SIRT5: variants seen among roughly 807,000 people sequenced by gnomAD.
SIRT5 encodes NAD-dependent protein deacylase sirtuin-5, mitochondrial.
A neutral mutation model predicts 40.0 loss-of-function variants in SIRT5; 26 were observed. The ratio of observed to expected loss-of-function variants is 0.65; its 90% CI spans 0.48 to 0.90. The LOEUF (loss-of-function observed/expected upper bound fraction) is 0.90. Among genes scored for constraint, SIRT5 ranks in the 40% least tolerant of loss-of-function variants. The pLI, the probability that SIRT5 is intolerant of heterozygous loss-of-function variation, is 0.00. For missense variants in SIRT5, 401 were observed against 402.4 expected (o/e 1.00, Z 0.03); for synonymous variants, 146 against 149.1 (o/e 0.98, Z 0.15).
intron 9 of SIRT5, 100 bp from the exon 10 acceptor site, chr6:13,611,690 T>C: frequency 2.3e-6 from 2 of 876,624 alleles, no homozygotes; most frequent in Non-Finnish European, 3.8e-6. Context: ...ATTTGGGTTT[T>C]ACTTCGGCTA....
chr6:13,606,948 C>T (rs1202986768), intron 9 of SIRT5, among the ~76,000 whole-genome samples: 1 of 150,748 alleles, frequency 6.6e-6, no homozygotes, highest in Non-Finnish European at 1.5e-5. Context: ...TCCCGAAGTG[C>T]TGGGATTACA....
chr6:13,600,891 A>G lies in SIRT5; in HGVS notation c.799A>G (p.Arg267Gly). The change falls in exon 9 of 10, where the codon AGG becomes GGG. Residue 267 changes from arginine to glycine, a missense_variant. Physicochemically the swap from Arg to Gly is moderately radical, Grantham distance 125. Coordinates refer to ENST00000606117, the MANE Select transcript of SIRT5 (RefSeq NM_012241.5). Reference protein sequence around the residue: ...AAMFAPQVAARGVPVAEFNTE... With the variant: ...AAMFAPQVAAGGVPVAEFNTE... ...CATGTTTGCCCCCCAGGTGGCTGCC[A>G]GGGGCGTGCCAGTGGCTGAATTTAA... is the stretch of plus-strand genomic sequence containing the variant. 1.2e-6 allele frequency: 2 copies of G among 1,614,146 alleles called. No individual in the cohort carries two copies. The highest frequency in any genetic ancestry group is 1.7e-6 in the Non-Finnish European group (2 of 1,180,020).
intron 1 of SIRT5, among the ~76,000 whole-genome samples, chr6:13,578,965 C>T (rs1758995650): frequency 6.6e-6 from 1 of 152,164 alleles, no homozygotes; most frequent in African/African-American, 2.4e-5. Flanking sequence ...CCCTCAAGGC[C>T]TCTTTTCCCA....
intron 9 of SIRT5, among the ~76,000 whole-genome samples, chr6:13,601,976 AG>A (rs1268109136): frequency 6.6e-6 from 1 of 152,204 alleles, no homozygotes; most frequent in Non-Finnish European, 1.5e-5. Flanking sequence ...CTTGATCCAT[AG>A]TTCTTCATCT....
Position 13,612,459 on chromosome 6 carries a change from G to C in SIRT5, c.*594G>C, listed in dbSNP as rs1444111529. The C allele has an allele frequency of 6.6e-6, 1 of 151,728 alleles. No homozygotes were observed. Among genetic ancestry groups the C allele is most frequent in the African/African-American group, 2.4e-5 (1 of 41,188 alleles). The allele number at this position is 151,728 out of a possible 1,614,324, so 9.4% of individuals were successfully genotyped here. A position where few individuals can be genotyped will look rare whatever the true frequency, so the allele number is the denominator to read the frequency against. On this transcript the variant is annotated 3_prime_UTR_variant, in exon 10 of 10. Transcript: ENST00000606117. The stretch of plus-strand genomic sequence containing the variant: ...GGGTTCAAGAGATTCTCCTGCCTCA[G>C]CCTCATGAGTAGCTGGGATTACAGG...
rs933388496 is a variant in SIRT5, at chr6:13,588,181, T to C, written c.116-150T>C. On this transcript the variant is annotated intron_variant, in intron 3 of 9. Transcript: ENST00000606117. Reference sequence around the variant, plus strand: ...TTGTACACTCACCCAGCAGGTCACATGGGGATGGTGTTTTCATGGTACAGG... The same window carrying C: ...TTGTACACTCACCCAGCAGGTCACACGGGGATGGTGTTTTCATGGTACAGG... 3.1e-6 allele frequency: 3 copies of C among 961,278 alleles called. No homozygotes were observed. In the African/African-American group the frequency reaches 5.0e-5, roughly 16 times the overall value. 59.5% of individuals were successfully genotyped at this position (961,278 alleles called of 1,614,324 possible). A position where few individuals can be genotyped will look rare whatever the true frequency, so the allele number is the denominator to read the frequency against.
chr6:13,610,378 C>T (rs1237751264), intron 9 of SIRT5, among the ~76,000 whole-genome samples: 1 of 152,200 alleles, frequency 6.6e-6, no homozygotes, highest in Non-Finnish European at 1.5e-5. Flanking sequence ...GATCTATTCA[C>T]TGAAAATCCT....
rs200610720 is a variant in SIRT5, at chr6:13,612,262, G to A, written c.*397G>A. 8.3e-5 allele frequency: 13 copies of A among 157,020 alleles called. No individual in the cohort carries two copies. The highest frequency in any genetic ancestry group is 1.3e-4 in the Non-Finnish European group (9 of 71,222). The allele number at this position is 157,020 out of a possible 1,614,324, so 9.7% of individuals were successfully genotyped here. ...TATTCTGATTTTTGCACAAGTTTTA[G>A]TGGAAAATAAAATCACACTCTACAG... On this transcript the variant is annotated 3_prime_UTR_variant, in exon 10 of 10. Coordinates refer to ENST00000606117, the MANE Select transcript of SIRT5 (RefSeq NM_012241.5).
chr6:13,590,301 A>C (rs955602869), intron 4 of SIRT5, among the ~76,000 whole-genome samples: 1 of 152,172 alleles, frequency 6.6e-6, no homozygotes, highest in Non-Finnish European at 1.5e-5. Context: ...GCCAGCTCCC[A>C]GCCCCAGACA....
rs757128885 is a variant in SIRT5 at position 13,615,155 on chromosome 6, T to C, written c.*3290T>C. On this transcript the variant is annotated 3_prime_UTR_variant, in exon 10 of 10. Coordinates refer to ENST00000606117, the MANE Select transcript of SIRT5 (RefSeq NM_012241.5). ...CGCCGGCAGAGCATTTTCCGTGGGG[T>C]CCATCCGGCTCCAAGGCGGCCTGCG... 1 of 538,422 alleles carries C rather than the reference T, an allele frequency of 1.9e-6. No homozygotes were observed. Among genetic ancestry groups the C allele is most frequent in the Non-Finnish European group, 3.1e-6 (1 of 319,428 alleles). The allele number at this position is 538,422 out of a possible 1,614,324, so 33.4% of individuals were successfully genotyped here. A position where few individuals can be genotyped will look rare whatever the true frequency, so the allele number is the denominator to read the frequency against.
intron 9 of SIRT5, among the ~76,000 whole-genome samples, chr6:13,609,958 G>A (rs1763616274): frequency 6.6e-6 from 1 of 152,016 alleles, no homozygotes; most frequent in Admixed American, 6.6e-5. Context: ...TAAACTCTAG[G>A]CATGAGGGAA....
At chr6:13,599,407 T>TC (rs886417138) in intron 8 of SIRT5, among the ~76,000 whole-genome samples, 2 of 152,120 alleles carry the variant, frequency 1.3e-5, no homozygotes, top group African/African-American at 4.8e-5. Flanking sequence ...CAAAGCCTCC[T>TC]CCCCCAGCCC....
intron 4 of SIRT5, among the ~76,000 whole-genome samples, chr6:13,590,608 T>C (rs1462737500): frequency 1.3e-5 from 2 of 152,054 alleles, no homozygotes; most frequent in African/African-American, 4.8e-5. Context: ...TATGTGTATG[T>C]TGTGTGTATG....
chr6:13,599,378 A>T (rs1185993091), intron 8 of SIRT5, among the ~76,000 whole-genome samples: 1 of 152,196 alleles, frequency 6.6e-6, no homozygotes, highest in Non-Finnish European at 1.5e-5. Flanking sequence ...ATAGGAAACC[A>T]TGCATGTCTT....
intron 4 of SIRT5, among the ~76,000 whole-genome samples, chr6:13,590,799 TTGTG>T (rs147312508): frequency 2.0e-5 from 3 of 151,158 alleles, no homozygotes; most frequent in Admixed American, 6.6e-5. Flanking sequence ...GTGTATGTAG[TTGTG>T]TGTGTGTGTA....
intron 1 of SIRT5, among the ~76,000 whole-genome samples, chr6:13,578,742 C>A (rs1758959533): frequency 6.6e-6 from 1 of 150,794 alleles, no homozygotes; most frequent in Non-Finnish European, 1.5e-5. Context: ...CCTCAAATTT[C>A]TGATATAATC....
intron 3 of SIRT5, among the ~76,000 whole-genome samples, chr6:13,587,454 A>G (rs1760230377): frequency 6.6e-6 from 1 of 152,160 alleles, no homozygotes; most frequent in African/African-American, 2.4e-5. Flanking sequence ...ATGAGTTCCA[A>G]GTCTGGCTCC....
At chr6:13,601,985 T>C (rs1644272231) in intron 9 of SIRT5, among the ~76,000 whole-genome samples, 1 of 152,220 alleles carries the variant, frequency 6.6e-6, no homozygotes, top group African/African-American at 2.4e-5. Flanking sequence ...TAGTTCTTCA[T>C]CTGTGTGTGA....
chr6:13,596,854 G>T, intron 6 of SIRT5, 109 bp from the exon 7 acceptor site: 1 of 786,302 alleles, frequency 1.3e-6, no homozygotes, highest in Non-Finnish European at 2.0e-6. Context: ...TATTAATTAG[G>T]AGTTTTATAC....
Sources: gnomAD v4.1 joint callset for allele counts (sites outside exome capture counted in the v4.1 genomes callset) on GRCh38, gnomAD v4.1.1 for gene constraint, MANE v1.5 for transcripts, NCBI Gene and HGNC (gene_info 2026-07-23, HGNC 2026-07-21) for gene names.